OSBPL10: variants seen among roughly 807,000 people sequenced by gnomAD.
The protein encoded by OSBPL10 is oxysterol binding protein like 10, also known as oxysterol-binding protein-related protein 10.
In OSBPL10, 49 loss-of-function variants were observed where a neutral mutation model predicts 81.7. The observed-to-expected ratio is 0.60, with a 90% CI of 0.48 to 0.76. The LOEUF (loss-of-function observed/expected upper bound fraction) is 0.76, where lower values mean the gene tolerates loss of function less well. Among genes scored for constraint, OSBPL10 ranks in the 30% least tolerant of loss-of-function variants. The pLI, the probability that OSBPL10 is intolerant of heterozygous loss-of-function variation, is 0.00. For synonymous variants in OSBPL10, 419 were observed against 383.6 expected (o/e 1.09, Z -1.08); for missense variants, 923 against 987.8 (o/e 0.93, Z 0.88).
At chr3:32,068,057 C>T (rs1028013744) in intron 1 of OSBPL10, among the ~76,000 whole-genome samples, 2 of 152,224 alleles carry the variant, frequency 1.3e-5, no homozygotes, top group African/African-American at 4.8e-5. Flanking sequence ...GAACATCTCA[C>T]CAATTTCAAA....
intron 2 of OSBPL10, among the ~76,000 whole-genome samples, chr3:31,986,821 C>G (rs972489701): frequency 3.3e-5 from 5 of 151,890 alleles, no homozygotes; most frequent in African/African-American, 9.7e-5. Context: ...CCTGGGCAAC[C>G]TGGAGAGACT....
chr3:31,903,745 T>A (rs1242183166), intron 1 of OSBPL10, among the ~76,000 whole-genome samples: 2 of 152,128 alleles, frequency 1.3e-5, no homozygotes, highest in African/African-American at 4.8e-5. Context: ...CAGAGCTGTG[T>A]TCCTAACTAC....
chr3:31,846,298 C>T (rs1700629961), intron 3 of OSBPL10, among the ~76,000 whole-genome samples: 1 of 152,204 alleles, frequency 6.6e-6, no homozygotes, highest in South Asian at 2.1e-4. Flanking sequence ...TAGGCATCAG[C>T]CATTGCATCT....
At chr3:31,999,323 T>C (rs573242041) in intron 2 of OSBPL10, among the ~76,000 whole-genome samples, 2 of 152,130 alleles carry the variant, frequency 1.3e-5, no homozygotes, top group African/African-American at 2.4e-5. Context: ...TGATTATTTA[T>C]GCTTTGGGAG....
At chr3:31,852,421 T>C (rs1306814783) in intron 3 of OSBPL10, among the ~76,000 whole-genome samples, 1 of 152,060 alleles carries the variant, frequency 6.6e-6, no homozygotes, top group Non-Finnish European at 1.5e-5. Context: ...AAAATGTCAA[T>C]AGTACCAAGG....
At chr3:31,958,100 G>A (rs373704898) in intron 1 of OSBPL10, among the ~76,000 whole-genome samples, 8 of 152,172 alleles carry the variant, frequency 5.3e-5, no homozygotes, top group African/African-American at 1.9e-4. Flanking sequence ...TTGCAAGGAG[G>A]GGTGCAGTAA....
chr3:31,822,912 C>CA (rs1321799862), intron 4 of OSBPL10, among the ~76,000 whole-genome samples: 25 of 23,972 alleles, frequency 1.0e-3, no homozygotes, highest in Non-Finnish European at 1.2e-3. Flanking sequence ...ACCCCCAACT[C>CA]TAAAAAAAAA....
At chr3:31,731,722 C>T (rs1345200285) in intron 6 of OSBPL10, among the ~76,000 whole-genome samples, 4 of 152,052 alleles carry the variant, frequency 2.6e-5, no homozygotes, top group African/African-American at 4.8e-5. Flanking sequence ...CTCCTGACCT[C>T]GTGATCCGTC....
chr3:31,721,037 C>G (rs1411700896), intron 6 of OSBPL10, among the ~76,000 whole-genome samples: 1 of 152,070 alleles, frequency 6.6e-6, no homozygotes, highest in Non-Finnish European at 1.5e-5. Context: ...TGGGTAAGCT[C>G]TGTGTAATCA....
At chr3:31,832,443 G>A (rs1700267655) in intron 3 of OSBPL10, among the ~76,000 whole-genome samples, 1 of 152,084 alleles carries the variant, frequency 6.6e-6, no homozygotes, top group South Asian at 2.1e-4. Flanking sequence ...TTGAGAAAAG[G>A]CAAGTTAGAT....
chr3:31,743,673 C>A (rs1364627468), intron 5 of OSBPL10, among the ~76,000 whole-genome samples: 1 of 87,690 alleles, frequency 1.1e-5, no homozygotes, highest in Non-Finnish European at 3.2e-5. Flanking sequence ...GAAAAAAAAA[C>A]AGTGCAAGGA....
At position 31,844,486 on chromosome 3, in the gene OSBPL10, T is replaced by G. The variant is rs186993900; in HGVS notation, c.538-14255A>C. Among the ~76,000 whole-genome samples, 6 of 152,378 alleles carry G rather than the reference T, an allele frequency of 3.9e-5. No homozygotes were observed. The East Asian group carries it at 1.2e-3, about 29-fold the overall frequency. On this transcript the variant is annotated intron_variant, in intron 3 of 11. Coordinates refer to ENST00000396556, the MANE Select transcript of OSBPL10 (RefSeq NM_017784.5). Reference sequence around the variant, plus strand: ...TCATCCATAAAAAGGAATGAAGTATTGATACATGCAACATTGTTGTTGAAA... The same window carrying G: ...TCATCCATAAAAAGGAATGAAGTATGGATACATGCAACATTGTTGTTGAAA...
intron 4 of OSBPL10, among the ~76,000 whole-genome samples, chr3:31,748,486 A>C (rs1209014322): frequency 2.6e-5 from 4 of 152,104 alleles, no homozygotes; most frequent in Non-Finnish European, 5.9e-5. Context: ...CAGCAGGCGC[A>C]CTGTGTGGCT....
At chr3:32,032,842 G>A (rs942116943) in intron 2 of OSBPL10, among the ~76,000 whole-genome samples, 3 of 152,048 alleles carry the variant, frequency 2.0e-5, no homozygotes, top group African/African-American at 7.2e-5. Context: ...AATTACAGTT[G>A]GCTTACTCTC....
chr3:31,997,637 G>T lies in OSBPL10; in HGVS notation n.298+48854C>A, dbSNP rs571870999. On this transcript the variant is annotated intron_variant and non_coding_transcript_variant, in intron 2 of 3. Coordinates refer to the OSBPL10 transcript ENST00000479173. ...GCAGAAGAAGGATTTTTTTTGTTTT[G>T]TTTTTACTTTCCTTTATCAAATAGT... Among the ~76,000 whole-genome samples, 43 of 151,254 alleles carry T rather than the reference G, an allele frequency of 2.8e-4. No homozygotes were observed. The South Asian group carries it at 9.0e-3, about 32-fold the overall frequency.
chr3:31,698,027 A>G (rs978256239), intron 7 of OSBPL10, among the ~76,000 whole-genome samples: 5 of 151,844 alleles, frequency 3.3e-5, no homozygotes, highest in African/African-American at 9.7e-5. Flanking sequence ...CTCCCAAAGT[A>G]CTGGGATTAC....
At chr3:31,690,379 G>C (rs775993292) in intron 7 of OSBPL10, among the ~76,000 whole-genome samples, 3 of 152,110 alleles carry the variant, frequency 2.0e-5, no homozygotes, top group South Asian at 2.1e-4. Flanking sequence ...CTGCAAAACT[G>C]GTCAATTAAA....
At chr3:32,049,386 A>G (rs961698399) in intron 1 of OSBPL10, among the ~76,000 whole-genome samples, 1 of 152,114 alleles carries the variant, frequency 6.6e-6, no homozygotes, top group Non-Finnish European at 1.5e-5. Flanking sequence ...TGCAGCACCA[A>G]TTGGCCAACT....
intron 2 of OSBPL10, chr3:32,030,377 C>G (rs1699456324): frequency 1.7e-6 from 1 of 580,696 alleles, no homozygotes; most frequent in Non-Finnish European, 3.2e-6. Context: ...CATGGCTAAA[C>G]TGGAAGAGTC....
Sources: gnomAD v4.1 joint callset for allele counts (sites outside exome capture counted in the v4.1 genomes callset) on GRCh38, gnomAD v4.1.1 for gene constraint, MANE v1.5 for transcripts, NCBI Gene and HGNC (gene_info 2026-07-23, HGNC 2026-07-21) for gene names.